Variants in GUCY1A2 observed in about 807,000 individuals in gnomAD.
The protein encoded by GUCY1A2 is guanylate cyclase 1 soluble subunit alpha 2.
GUCY1A2 carries 27 observed loss-of-function variants against 63.5 expected under a neutral mutation model. That is an observed-to-expected ratio of 0.43 (90% CI 0.31 to 0.59). The LOEUF (loss-of-function observed/expected upper bound fraction) is 0.59. Ranked by LOEUF, GUCY1A2 falls within the 20% of genes least tolerant of loss-of-function variation. The pLI, the probability that GUCY1A2 is intolerant of heterozygous loss-of-function variation, is 0.11. For missense variants in GUCY1A2, 768 were observed against 913.3 expected (o/e 0.84, Z 2.05); for synonymous variants, 364 against 343.5 (o/e 1.06, Z -0.66).
intron 4 of GUCY1A2, among the ~76,000 whole-genome samples, chr11:106,864,344 T>C (rs1565313690): frequency 2.0e-5 from 3 of 152,104 alleles, no homozygotes; most frequent in South Asian, 4.1e-4. Flanking sequence ...TTTCTAAATA[T>C]ACAATCATGT....
chr11:106,962,395 A>C (rs1400109824), intron 3 of GUCY1A2, among the ~76,000 whole-genome samples: 1 of 151,868 alleles, frequency 6.6e-6, no homozygotes, highest in Non-Finnish European at 1.5e-5. Flanking sequence ...ACTTAAAAAA[A>C]AAAAAAATAC....
chr11:106,975,710 G>C (rs1467564464), intron 3 of GUCY1A2, among the ~76,000 whole-genome samples: 1 of 152,288 alleles, frequency 6.6e-6, no homozygotes, highest in East Asian at 1.9e-4. Context: ...AAGGGAAACA[G>C]ACATCAAACA....
chr11:106,828,902 T>C (rs569055833), intron 4 of GUCY1A2, among the ~76,000 whole-genome samples: 120 of 152,332 alleles, frequency 7.9e-4, no homozygotes, highest in African/African-American at 2.6e-3. Context: ...CTCCAGAAAG[T>C]ATTTGTTTTA....
intron 6 of GUCY1A2, among the ~76,000 whole-genome samples, chr11:106,721,808 T>C (rs1414438770): frequency 6.6e-6 from 1 of 152,324 alleles, no homozygotes; most frequent in African/African-American, 2.4e-5. Flanking sequence ...GCAAAATTCA[T>C]AAGTCCCAAG....
At chr11:106,704,786 C>G (rs617358) in intron 7 of GUCY1A2, among the ~76,000 whole-genome samples, 53,616 of 151,570 alleles carry the variant, frequency 0.35, 9,934 homozygotes, top group African/African-American at 0.41. Context: ...GCAATTATTT[C>G]TGTTTTATAG....
Position 106,779,907 on chromosome 11 carries a change from G to A in GUCY1A2, c.1693-3325C>T, listed in dbSNP as rs75847738. 8.7e-3 allele frequency among the ~76,000 whole-genome samples: 1,322 copies of A among 152,262 alleles called. 21 individuals carry two copies. Among genetic ancestry groups the A allele is most frequent in the African/African-American group, 0.029 (1,186 of 41,554 alleles). Reference sequence around the variant, plus strand: ...ATTGTATAAAACTTTAAGACTAGGCGTGGTGGCTGACACCTGGAATCCCAA... The same window carrying A: ...ATTGTATAAAACTTTAAGACTAGGCATGGTGGCTGACACCTGGAATCCCAA... On this transcript the variant is annotated intron_variant, in intron 5 of 7. Transcript: ENST00000526355.
intron 1 of GUCY1A2, among the ~76,000 whole-genome samples, chr11:107,012,260 C>CTTT (rs371100294): frequency 9.9e-5 from 14 of 141,248 alleles, no homozygotes; most frequent in South Asian, 2.2e-4. Context: ...CTTCTTATTA[C>CTTT]TTTTTTTTTT....
At chr11:106,964,750 C>T (rs1019464376) in intron 3 of GUCY1A2, among the ~76,000 whole-genome samples, 2 of 152,152 alleles carry the variant, frequency 1.3e-5, no homozygotes, top group Middle Eastern at 3.4e-3. Context: ...GAGGCCAAGG[C>T]GGGCGGATCA....
chr11:106,903,946 C>A (rs959554968), intron 4 of GUCY1A2, among the ~76,000 whole-genome samples: 17 of 152,142 alleles, frequency 1.1e-4, no homozygotes, highest in Admixed American at 9.8e-4. Context: ...AGCTCCTAAA[C>A]CTTTCATTAA....
At chr11:106,730,839 G>C (rs899551891) in intron 6 of GUCY1A2, among the ~76,000 whole-genome samples, 2 of 151,986 alleles carry the variant, frequency 1.3e-5, no homozygotes, top group Admixed American at 6.6e-5. Flanking sequence ...TCTCACTGTG[G>C]TTTTGATTTG....
chr11:106,712,352 T>G (rs769589278), intron 6 of GUCY1A2, among the ~76,000 whole-genome samples: 5 of 152,198 alleles, frequency 3.3e-5, no homozygotes, highest in African/African-American at 4.8e-5. Context: ...GAAGTTCAAT[T>G]TGGAATTTTT....
At chr11:106,920,280 A>G (rs1860425422) in intron 4 of GUCY1A2, among the ~76,000 whole-genome samples, 1 of 152,130 alleles carries the variant, frequency 6.6e-6, no homozygotes, top group African/African-American at 2.4e-5. Context: ...TCCCCAGTAT[A>G]AAATTGGGAA....
intron 4 of GUCY1A2, among the ~76,000 whole-genome samples, chr11:106,876,157 T>TA (rs1565317384): frequency 1.3e-5 from 2 of 151,944 alleles, no homozygotes; most frequent in Non-Finnish European, 2.9e-5. Flanking sequence ...TAACAATATC[T>TA]AAAAAAAGTA....
intron 4 of GUCY1A2, among the ~76,000 whole-genome samples, chr11:106,860,276 A>G (rs1409288184): frequency 2.1e-5 from 3 of 145,738 alleles, no homozygotes; most frequent in African/African-American, 7.5e-5. Context: ...ATGAACATTG[A>G]TTTTTTTTTT....
chr11:106,728,109 G>A (rs376487796), intron 6 of GUCY1A2, among the ~76,000 whole-genome samples: 19 of 152,052 alleles, frequency 1.2e-4, no homozygotes, highest in African/African-American at 4.1e-4. Context: ...TTAAAACACC[G>A]CATGCCTTCT....
At chr11:106,940,267 A>G in intron 3 of GUCY1A2, 89 bp from the exon 4 acceptor site, 1 of 660,622 alleles carries the variant, frequency 1.5e-6, no homozygotes, top group Non-Finnish European at 2.6e-6. Flanking sequence ...AAGAGTAACT[A>G]CTGAATAAAG....
intron 6 of GUCY1A2, among the ~76,000 whole-genome samples, chr11:106,735,879 T>G (rs1189025552): frequency 6.6e-6 from 1 of 152,166 alleles, no homozygotes; most frequent in Non-Finnish European, 1.5e-5. Context: ...CTCTGATGAT[T>G]AAGGATGTTT....
At chr11:106,926,567 T>C (rs1314768916) in intron 4 of GUCY1A2, among the ~76,000 whole-genome samples, 1 of 152,096 alleles carries the variant, frequency 6.6e-6, no homozygotes. Flanking sequence ...CTCTTCCCCT[T>C]AGAATTATCA....
intron 6 of GUCY1A2, among the ~76,000 whole-genome samples, chr11:106,709,252 A>AATATATATAAATATATTT (rs1862984930): frequency 1.8e-5 from 1 of 57,090 alleles, no homozygotes; most frequent in Non-Finnish European, 2.9e-5. Context: ...TATTGTATAT[A>AATATATATAAATATATTT]ATATATATAA....
Sources: gnomAD v4.1 joint callset for allele counts (sites outside exome capture counted in the v4.1 genomes callset) on GRCh38, gnomAD v4.1.1 for gene constraint, MANE v1.5 for transcripts, NCBI Gene and HGNC (gene_info 2026-07-23, HGNC 2026-07-21) for gene names.